Variants in NDUFAF3 observed in about 807,000 individuals in gnomAD.
NDUFAF3 encodes NADH:ubiquinone oxidoreductase complex assembly factor 3, also known as NADH dehydrogenase [ubiquinone] 1 alpha subcomplex assembly factor 3.
A neutral mutation model predicts 22.6 loss-of-function variants in NDUFAF3; 21 were observed. The observed-to-expected ratio is 0.93, with a 90% confidence interval of 0.66 to 1.34. The LOEUF is 1.34. Ranked by LOEUF, NDUFAF3 falls within the 40% of genes most tolerant of loss-of-function variation. The pLI, the probability that NDUFAF3 is intolerant of heterozygous loss-of-function variation, is 0.00. For missense variants in NDUFAF3, 251 were observed against 248.4 expected (o/e 1.01, Z -0.07); for synonymous variants, 113 against 104.9 (o/e 1.08, Z -0.47).
chr3:49,022,019 G>C (rs75749590), upstream of NDUFAF3: 494 of 1,004,996 alleles, frequency 4.9e-4, 1 homozygote, highest in African/African-American at 6.8e-3. The surrounding 1 kb of genome is among the most constrained non-coding windows in gnomAD (Gnocchi z 6.6). Flanking sequence ...TGCTGGGCCG[G>C]TCGAGCTGTG....
At position 49,022,968 on chromosome 3, in the gene NDUFAF3, C is replaced by CAGGA. The variant is rs775742421; in HGVS notation, c.431_434dup (p.Asp145GlufsTer16). The CAGGA allele has an allele frequency of 6.2e-7, 1 of 1,614,084 alleles. No individual in the cohort carries two copies. The highest frequency in any genetic ancestry group is 1.1e-5 in the South Asian group (1 of 91,070). ...GCAGCGGGGCATTGCTGTGGAAGTG[C>CAGGA]AGGACACGGTGAGTCCCGGGACTGG... On this transcript the variant is annotated frameshift_variant, in exon 4 of 5. Transcript: ENST00000326925. LOFTEE classifies it high-confidence loss of function. The surrounding 1 kb of genome is among the most constrained non-coding windows in gnomAD (Gnocchi z 6.6).
chr3:49,020,936 G>C (rs1246411847), upstream of NDUFAF3: 1 of 193,488 alleles, frequency 5.2e-6, no homozygotes, highest in Non-Finnish European at 1.1e-5. Context: ...GATTAGCCCT[G>C]TTGGTCCCAC....
chr3:49,022,667 A>G lies in NDUFAF3; in HGVS notation c.271-35A>G, dbSNP rs1575304694. 2 of 1,613,506 alleles carry G rather than the reference A, an allele frequency of 1.2e-6. No individual in the cohort carries two copies. The highest frequency in any genetic ancestry group is 8.5e-7 in the Non-Finnish European group (1 of 1,179,838). ...ATGGAGATGGGGAGAGGCTGCGTGG[A>G]TTTGTCGTATTAAATGTGCCTCCTC... is the stretch of plus-strand genomic sequence containing the variant. On this transcript the variant is annotated intron_variant, in intron 2 of 4. Coordinates refer to ENST00000326925, the MANE Select transcript of NDUFAF3 (RefSeq NM_199069.2). This position sits in a 1 kb window ranked among gnomAD's most constrained non-coding sequence, Gnocchi z 6.6.
chr3:49,023,339 T>C lies in NDUFAF3; in HGVS notation c.*167T>C, dbSNP rs1361149612. 2 of 697,092 alleles carry C rather than the reference T, an allele frequency of 2.9e-6. No homozygotes were observed. The highest frequency in any genetic ancestry group is 3.5e-5 in the African/African-American group (2 of 56,788). 43.2% of individuals were successfully genotyped at this position (697,092 alleles called of 1,614,324 possible). On this transcript the variant is annotated 3_prime_UTR_variant, in exon 5 of 5. Coordinates refer to ENST00000326925, the MANE Select transcript of NDUFAF3 (RefSeq NM_199069.2). ...AGGAGCTGATGGCTCACTGGGCTCT[T>C]GGAGGGGAATGTGAAGAAACCAAGG... is the stretch of plus-strand genomic sequence containing the variant.
At chr3:49,021,150 C>A (rs1411031089), upstream of NDUFAF3, 1 of 153,220 alleles carries the variant, frequency 6.5e-6, no homozygotes, top group Admixed American at 6.5e-5. The surrounding 1 kb of genome is among the most constrained non-coding windows in gnomAD (Gnocchi z 4.1). Context: ...GCCGCGGGAC[C>A]CCCGGAAACC....
In NDUFAF3 at chr3:49,023,189, C is replaced by A. The variant is rs1271898121; in HGVS notation, c.*17C>A. The A allele has an allele frequency of 6.4e-7, 1 of 1,574,788 alleles. No individual in the cohort carries two copies. The highest frequency in any genetic ancestry group is 1.7e-5 in the Admixed American group (1 of 59,976). On this transcript the variant is annotated 3_prime_UTR_variant, in exon 5 of 5. Coordinates refer to ENST00000326925, the MANE Select transcript of NDUFAF3 (RefSeq NM_199069.2). Reference sequence around the variant, plus strand: ...GCTCAATGAACCGCCAGGAACTGACCTGCTGACTGCACTCTGCCAGGCTTC... The same window carrying A: ...GCTCAATGAACCGCCAGGAACTGACATGCTGACTGCACTCTGCCAGGCTTC...
upstream of NDUFAF3, chr3:49,021,882 G>A: frequency 1.8e-6 from 1 of 544,826 alleles, no homozygotes; most frequent in Non-Finnish European, 3.2e-6. The surrounding 1 kb of genome is among the most constrained non-coding windows in gnomAD (Gnocchi z 4.1). Context: ...GGGTGGCCAC[G>A]CTGCCAGGTG....
upstream of NDUFAF3, chr3:49,021,924 C>G (rs555947469): frequency 1.2e-5 from 7 of 595,194 alleles, no homozygotes; most frequent in East Asian, 1.4e-4. This position sits in a 1 kb window ranked among gnomAD's most constrained non-coding sequence, Gnocchi z 4.1. Flanking sequence ...GGCAAGGGCC[C>G]GGGGCGGGGA....
Position 49,022,910 on chromosome 3 carries a change from G to A in NDUFAF3, c.372G>A (p.Glu124=). The change falls in exon 4 of 5, where the codon GAG becomes GAA. Residue 124 remains glutamate, a synonymous_variant. Transcript: ENST00000326925. This position sits in a 1 kb window ranked among gnomAD's most constrained non-coding sequence, Gnocchi z 6.6. ...TGGTGGGGACTGGAGACCGGACCGA[G>A]AGGCTGCAGTCCCAGGTGCTTCAAG... ...IVVVGTGDRT[E]RLQSQVLQAM... is the part of the protein sequence containing the mutation. The A allele has an allele frequency of 6.2e-7, 1 of 1,614,066 alleles. No individual in the cohort carries two copies. Among genetic ancestry groups the A allele is most frequent in the South Asian group, 1.1e-5 (1 of 91,086 alleles).
chr3:49,020,680 T>C (rs1329624302), upstream of NDUFAF3: 2 of 491,634 alleles, frequency 4.1e-6, no homozygotes, highest in Admixed American at 4.4e-5. Context: ...AACAGCTGCT[T>C]TTGGGATTCC....
rs761672464 is a variant in NDUFAF3 at position 49,022,502 on chromosome 3, C to T, written c.234C>T (p.Pro78=). ...TAAACGGAAACCGCGTGCTCGGCCC[C>T]TGCGCTCTGCTCCCGCACTCGGTGG... ...FMINGNRVLG[P]CALLPHSVVQ... The change falls in exon 2 of 5, where the codon CCC becomes CCT. Residue 78 remains proline, a synonymous_variant. Coordinates refer to ENST00000326925, the MANE Select transcript of NDUFAF3 (RefSeq NM_199069.2). This position sits in a 1 kb window ranked among gnomAD's most constrained non-coding sequence, Gnocchi z 6.6. The T allele has an allele frequency of 1.9e-6, 3 of 1,613,210 alleles. No individual in the cohort carries two copies. Among genetic ancestry groups the T allele is most frequent in the Admixed American group, 1.7e-5 (1 of 60,020 alleles).
At position 49,022,950 on chromosome 3, in the gene NDUFAF3, G is replaced by T. The variant is rs373428738; in HGVS notation, c.412G>T (p.Gly138Cys). The T allele has an allele frequency of 7.4e-6, 12 of 1,614,036 alleles. No individual in the cohort carries two copies. The highest frequency in any genetic ancestry group is 1.0e-5 in the Non-Finnish European group (12 of 1,180,046). Residue 138 changes from glycine to cysteine, a missense_variant, in exon 4 of 5, where the codon GGC (glycine) becomes TGC (cysteine). Physicochemically the swap from Gly to Cys is radical, Grantham distance 159. Coordinates refer to ENST00000326925, the MANE Select transcript of NDUFAF3 (RefSeq NM_199069.2). The surrounding 1 kb of genome is among the most constrained non-coding windows in gnomAD (Gnocchi z 6.6). ...GGTGCTTCAAGCCATGAGGCAGCGG[G>T]GCATTGCTGTGGAAGTGCAGGACAC... ...SQVLQAMRQRGIAVEVQDTPN... is the reference protein window; with the variant it reads ...SQVLQAMRQRCIAVEVQDTPN...
chr3:49,022,409 C>T lies in NDUFAF3; in HGVS notation c.141C>T (p.Ile47=). Residue 47 remains isoleucine (I), a synonymous_variant, in exon 2 of 5, where the codon ATC becomes ATT. Coordinates refer to ENST00000326925, the MANE Select transcript of NDUFAF3 (RefSeq NM_199069.2). This position sits in a 1 kb window ranked among gnomAD's most constrained non-coding sequence, Gnocchi z 6.6. ...ADDELYQRTR[I]SLLQREAAQA... is the part of the protein sequence containing the mutation. ...ACGAGCTGTATCAGCGGACGCGCAT[C>T]TCTCTGCTGCAACGCGAGGCCGCTC... 1.2e-6 allele frequency: 2 copies of T among 1,612,994 alleles called. No homozygotes were observed. Among genetic ancestry groups the T allele is most frequent in the Non-Finnish European group, 8.5e-7 (1 of 1,180,036 alleles).
chr3:49,021,349 A>AGACGGGG (rs1169621800), upstream of NDUFAF3: 9 of 152,534 alleles, frequency 5.9e-5, no homozygotes, highest in South Asian at 1.4e-3. This position sits in a 1 kb window ranked among gnomAD's most constrained non-coding sequence, Gnocchi z 4.1. Flanking sequence ...ACTTGGATCA[A>AGACGGGG]GACGGGGGAC....
chr3:49,020,642 C>G (rs745611179), upstream of NDUFAF3: 2 of 487,784 alleles, frequency 4.1e-6, no homozygotes, highest in Admixed American at 2.2e-5. Flanking sequence ...GGGACGAAAT[C>G]CAAGCGCAGC....
At position 49,023,029 on chromosome 3, in the gene NDUFAF3, A is replaced by T. The variant is rs370574370; in HGVS notation, c.439-27A>T. ...GGGGAGCACAGGCCTGGCGCTAGAC[A>T]GGCTGATGCTGGCCTTTTCTTTGCA... On this transcript the variant is annotated intron_variant, in intron 4 of 4. Coordinates refer to ENST00000326925, the MANE Select transcript of NDUFAF3 (RefSeq NM_199069.2). 183 of 1,613,962 alleles carry T rather than the reference A, an allele frequency of 1.1e-4. No homozygotes were observed. In the African/African-American group the frequency reaches 2.1e-3, roughly 19 times the overall value.
At chr3:49,020,870 G>T (rs1352953689), upstream of NDUFAF3, 1 of 295,516 alleles carries the variant, frequency 3.4e-6, no homozygotes, top group Non-Finnish European at 7.1e-6. Context: ...AATAGAAGGG[G>T]AGGTGGGGGC....
rs527841371 is a variant in NDUFAF3 at position 49,023,167 on chromosome 3, C to T, written c.550C>T (p.Gln184Ter). The T allele has an allele frequency of 3.5e-5, 57 of 1,612,420 alleles. No homozygotes were observed. The South Asian group carries it at 5.6e-4, about 16-fold the overall frequency. ...ACTTACATCTTTGGGCCAAGCTGCTCAATGAACCGCCAGGAACTGACCTGC... is the reference window on the plus strand; with the variant it reads ...ACTTACATCTTTGGGCCAAGCTGCTTAATGAACCGCCAGGAACTGACCTGC... ...TSLTSLGQAA[Q>*] The change falls in exon 5 of 5, where the codon CAA becomes TAA. Residue 184 changes from glutamine to a stop codon, truncating the protein, a stop_gained. Coordinates refer to ENST00000326925, the MANE Select transcript of NDUFAF3 (RefSeq NM_199069.2). LOFTEE classifies it high-confidence loss of function.
chr3:49,022,030 C>G (rs1463348507), upstream of NDUFAF3: 2 of 1,109,916 alleles, frequency 1.8e-6, no homozygotes, highest in Non-Finnish European at 2.6e-6. This position sits in a 1 kb window ranked among gnomAD's most constrained non-coding sequence, Gnocchi z 6.6. Flanking sequence ...TCGAGCTGTG[C>G]GGTGCCCTCC....
Sources: gnomAD v4.1 joint callset for allele counts on GRCh38, gnomAD v4.1.1 for gene constraint, Gnocchi (gnomAD v3.1) non-coding constraint, MANE v1.5 for transcripts, NCBI Gene and HGNC (gene_info 2026-07-23, HGNC 2026-07-21) for gene names.